The following IL17RC variants were observed in gnomAD, a reference collection of about 807,000 sequenced individuals.
IL17RC encodes the protein interleukin 17 receptor C, also known as interleukin-17 receptor C.
Under a neutral mutation model 86.7 loss-of-function variants are expected in IL17RC, and 53 were observed. That is an observed-to-expected ratio of 0.61 (90% CI 0.49 to 0.77). The LOEUF is 0.77. IL17RC is among the 30% of genes least tolerant of loss of function. IL17RC has a pLI of 0.00. For synonymous variants in IL17RC, 439 were observed against 413.1 expected (o/e 1.06, Z -0.76); for missense variants, 957 against 940.0 (o/e 1.02, Z -0.24).
At chr3:9,918,243 A>T in intron 3 of IL17RC, 92 bp from the exon 4 acceptor site, 1 of 1,362,840 alleles carries the variant, frequency 7.3e-7, no homozygotes, top group East Asian at 2.5e-5. Context: ...CCTGCTTCCC[A>T]GCACTGGGCT....
intron 17 of IL17RC, 39 bp from the exon 18 acceptor site, chr3:9,932,781 C>A (rs752192631): frequency 6.3e-7 from 1 of 1,584,974 alleles, no homozygotes; most frequent in Non-Finnish European, 8.6e-7. Flanking sequence ...AAAGCGGCGG[C>A]CGAGCTCACT....
rs2084275356 is a variant in IL17RC at position 9,928,157 on chromosome 3, C to T, written c.823-9C>T. The stretch of plus-strand genomic sequence containing the variant: ...AGGGGACCTGAGCAGACCCCCATTT[C>T]CTTTCCAGGTGTGGCCTCTGGAACC... On this transcript the variant is annotated splice_polypyrimidine_tract_variant and intron_variant, in intron 9 of 18. Transcript: ENST00000403601. The T allele has an allele frequency of 2.0e-5, 33 of 1,614,082 alleles. No homozygotes were observed. The highest frequency in any genetic ancestry group is 2.8e-5 in the Non-Finnish European group (33 of 1,179,938).
At chr3:9,925,141 A>G (rs1575564663) in intron 9 of IL17RC, among the ~76,000 whole-genome samples, 6 of 116,164 alleles carry the variant, frequency 5.2e-5, no homozygotes, top group African/African-American at 1.4e-4. Flanking sequence ...TTTAAGACAG[A>G]GTCTTTCTCT....
intron 7 of IL17RC, among the ~76,000 whole-genome samples, chr3:9,921,254 A>G (rs2083521242): frequency 6.6e-6 from 1 of 152,198 alleles, no homozygotes; most frequent in African/African-American, 2.4e-5. Context: ...CAAAAGTTCA[A>G]GACGAGCCTG....
rs1326938392 is a variant in IL17RC, at chr3:9,918,341, G to C, written c.287G>C (p.Trp96Ser). ...TGCTCTTGGGTCCTTCTAGGGCACT[G>C]GGAAGAGCCTGAAGATGAGGAAAAG... is the stretch of plus-strand genomic sequence containing the variant. Reference protein sequence around the residue: ...VAVHLAVHGHWEEPEDEEKFG... With the variant: ...VAVHLAVHGHSEEPEDEEKFG... The change falls in exon 4 of 19, where the codon TGG (tryptophan) becomes TCG (serine). Residue 96 changes from tryptophan (W) to serine (S), a missense_variant. Transcript: ENST00000403601. 1 of 1,590,512 alleles carries C rather than the reference G, an allele frequency of 6.3e-7. No individual in the cohort carries two copies. The highest frequency in any genetic ancestry group is 1.8e-5 in the Admixed American group (1 of 56,110).
In IL17RC at chr3:9,930,348, C is replaced by T; in HGVS notation, c.1279-52C>T. On this transcript the variant is annotated intron_variant, in intron 14 of 18. Transcript: ENST00000403601. This position sits in a 1 kb window ranked among gnomAD's most constrained non-coding sequence, Gnocchi z 5.8. ...CCCAGCTGTAGCCTGGTAGGTGCTG[C>T]CCTAAGGGTGCTACCTCCAGGTAAC... 6.2e-7 allele frequency: 1 copy of T among 1,603,478 alleles called. No individual in the cohort carries two copies. The highest frequency in any genetic ancestry group is 8.5e-7 in the Non-Finnish European group (1 of 1,170,896).
At chr3:9,925,172 G>A (rs908868220) in intron 9 of IL17RC, among the ~76,000 whole-genome samples, 14 of 147,132 alleles carry the variant, frequency 9.5e-5, no homozygotes, top group African/African-American at 3.3e-4. Context: ...CTGGAGCACC[G>A]TGGCGTGATC....
intron 17 of IL17RC, 55 bp from the exon 18 acceptor site, chr3:9,932,765 C>G: frequency 3.1e-6 from 5 of 1,594,818 alleles, no homozygotes; most frequent in Non-Finnish European, 4.3e-6. Flanking sequence ...GGGAGTTCTC[C>G]GAGGGAAAGC....
Position 9,930,743 on chromosome 3 carries a change from G to T in IL17RC, c.1339-152G>T. The T allele has an allele frequency of 1.3e-6, 1 of 783,262 alleles. No individual in the cohort carries two copies. Among genetic ancestry groups the T allele is most frequent in the East Asian group, 2.4e-5 (1 of 40,836 alleles). The allele number at this position is 783,262 out of a possible 1,614,324, so 48.5% of individuals were successfully genotyped here. A position where few individuals can be genotyped will look rare whatever the true frequency, so the allele number is the denominator to read the frequency against. On this transcript the variant is annotated intron_variant, in intron 15 of 18. Transcript: ENST00000403601. The surrounding 1 kb of genome is among the most constrained non-coding windows in gnomAD (Gnocchi z 5.8). ...TGGAAGAAGTCATACCCTAGTCAGTGGGCACAGCACAAAGGCAGAGCAGCT... is the reference window on the plus strand; with the variant it reads ...TGGAAGAAGTCATACCCTAGTCAGTTGGCACAGCACAAAGGCAGAGCAGCT...
intron 7 of IL17RC, among the ~76,000 whole-genome samples, chr3:9,922,219 G>A (rs1309859835): frequency 1.3e-5 from 2 of 152,140 alleles, no homozygotes; most frequent in East Asian, 1.9e-4. Flanking sequence ...CCAAAGTGCT[G>A]GGATTACAGG....
chr3:9,921,952 C>CTT (rs35608782), intron 7 of IL17RC, among the ~76,000 whole-genome samples: 3,830 of 88,122 alleles, frequency 0.043, 303 homozygotes, highest in African/African-American at 0.12. Context: ...ATGTCCAGTT[C>CTT]TTTTTTTTTT....
In IL17RC at chr3:9,933,353, C is replaced by T; in HGVS notation, c.1923C>T (p.Asp641=). The change falls in exon 19 of 19, where the codon GAC becomes GAT. Residue 641 remains aspartate, a synonymous_variant. Coordinates refer to ENST00000403601, the MANE Select transcript of IL17RC (RefSeq NM_153460.4). ...GCTTCGACAGGCTGCTCCACCCGGACGCCGTACCCGCCCTTTTCCGCACCG... is the reference window on the plus strand; with the variant it reads ...GCTTCGACAGGCTGCTCCACCCGGATGCCGTACCCGCCCTTTTCCGCACCG... ...GACFDRLLHP[D]AVPALFRTVP... The T allele has an allele frequency of 6.2e-7, 1 of 1,611,276 alleles. No individual in the cohort carries two copies. Among genetic ancestry groups the T allele is most frequent in the Non-Finnish European group, 8.5e-7 (1 of 1,179,050 alleles).
intron 9 of IL17RC, among the ~76,000 whole-genome samples, chr3:9,924,993 G>A (rs1413689691): frequency 2.0e-5 from 3 of 151,398 alleles, no homozygotes. Context: ...GTGTAGAGAC[G>A]GGGTCTTGCT....
chr3:9,920,046 C>G (rs557556850), intron 5 of IL17RC, among the ~76,000 whole-genome samples: 1 of 152,238 alleles, frequency 6.6e-6, no homozygotes, highest in East Asian at 1.9e-4. Flanking sequence ...CCTCCAACCT[C>G]CAGCCCCCAG....
Position 9,932,590 on chromosome 3 carries a change from C to T in IL17RC, c.1388-18C>T. 2 of 1,609,140 alleles carry T rather than the reference C, an allele frequency of 1.2e-6. No individual in the cohort carries two copies. Among genetic ancestry groups the T allele is most frequent in the Non-Finnish European group, 1.7e-6 (2 of 1,175,448 alleles). ...TGTGGAGGGTAAGTTTCTAACTCTT[C>T]TTCTCTGGGTCTCCCAGACATCCAC... On this transcript the variant is annotated intron_variant, in intron 16 of 18. Transcript: ENST00000403601.
At chr3:9,921,180 C>G (rs2083513334) in intron 7 of IL17RC, among the ~76,000 whole-genome samples, 1 of 152,224 alleles carries the variant, frequency 6.6e-6, no homozygotes, top group African/African-American at 2.4e-5. Flanking sequence ...TTGGGTCAGG[C>G]TCAGTGGCTC....
chr3:9,930,824 GCCA>G lies in IL17RC; in HGVS notation c.1339-67_1339-65del, dbSNP rs1281226382. The G allele has an allele frequency of 3.7e-6, 5 of 1,359,226 alleles. No individual in the cohort carries two copies. The African/African-American group carries it at 7.2e-5, about 20-fold the overall frequency. 84.2% of individuals were successfully genotyped at this position (1,359,226 alleles called of 1,614,324 possible). On this transcript the variant is annotated intron_variant, in intron 15 of 18. Transcript: ENST00000403601. This position sits in a 1 kb window ranked among gnomAD's most constrained non-coding sequence, Gnocchi z 5.8. ...TTGATGCTGGGAATTTGGAGATCAG[GCCA>G]CCAGAGCTTGGTGAATATTGGAACA...
intron 7 of IL17RC, among the ~76,000 whole-genome samples, chr3:9,922,897 C>G (rs931066384): frequency 6.6e-6 from 1 of 151,956 alleles, no homozygotes; most frequent in Non-Finnish European, 1.5e-5. Flanking sequence ...AGGAGGGGGC[C>G]GGGCGCGGTG....
Position 9,924,272 on chromosome 3 carries a change from T to C in IL17RC, c.803T>C (p.Val268Ala), listed in dbSNP as rs771605095. 20 of 1,613,972 alleles carry C rather than the reference T, an allele frequency of 1.2e-5. No individual in the cohort carries two copies. The highest frequency in any genetic ancestry group is 1.5e-5 in the Non-Finnish European group (18 of 1,179,972). ...ATTACCTTGAACCACACAGACCTGG[T>C]TCCCTGCCTCTGTATTCAGGTAGGA... ...QIITLNHTDL[V>A]PCLCIQVWPL... is the part of the protein sequence containing the mutation. The change falls in exon 9 of 19, where the codon GTT (valine) becomes GCT (alanine). Residue 268 changes from valine to alanine, a missense_variant. Coordinates refer to ENST00000403601, the MANE Select transcript of IL17RC (RefSeq NM_153460.4).
Sources: gnomAD v4.1 joint callset for allele counts (sites outside exome capture counted in the v4.1 genomes callset) on GRCh38, gnomAD v4.1.1 for gene constraint, Gnocchi (gnomAD v3.1) non-coding constraint, MANE v1.5 for transcripts, NCBI Gene and HGNC (gene_info 2026-07-23, HGNC 2026-07-21) for gene names.